The following AMBP variants were observed in gnomAD, a reference collection of about 807,000 sequenced individuals.
AMBP encodes the protein protein AMBP.
AMBP carries 37 observed loss-of-function variants against 46.3 expected under a neutral mutation model. That is an observed-to-expected ratio of 0.80 (90% CI 0.61 to 1.05). The LOEUF is 1.05. AMBP is among the 50% of genes least tolerant of loss of function. The pLI is 0.00. For missense variants in AMBP, 475 were observed against 461.2 expected, an observed-to-expected ratio of 1.03 and a Z score of -0.27; for synonymous variants, 174 against 175.9, an observed-to-expected ratio of 0.99 and a Z score of 0.09.
At chr9:114,061,210 G>T (rs56699313) in intron 8 of AMBP, 112 bp from the exon 9 acceptor site, 116,912 of 1,422,760 alleles carry the variant, frequency 0.082, 10,157 homozygotes, top group African/African-American at 0.43. Flanking sequence ...CTCATCCCTC[G>T]TTGACAGATG....
rs1263502204 is a variant in AMBP, at chr9:114,061,435, CA to C, written c.841del (p.Cys281AlafsTer11). ...FVTEKECLQTCRTVAACNLPI... is the reference protein window; with the variant it reads ...FVTEKECLQTXRTVAACNLPI... The stretch of plus-strand genomic sequence containing the variant: ...GGACCCGCACTCACCCACAGTTCGG[CA>C]GGTCTGCAGACACTCCTTTTCTGTG... On this transcript the variant is annotated frameshift_variant, in exon 8 of 10. Transcript: ENST00000265132. LOFTEE classifies it high-confidence loss of function. 6.2e-7 allele frequency: 1 copy of C among 1,614,156 alleles called. No individual in the cohort carries two copies. Among genetic ancestry groups the C allele is most frequent in the Admixed American group, 1.7e-5 (1 of 60,028 alleles).
chr9:114,068,147 G>A (rs777443202), intron 6 of AMBP, among the ~76,000 whole-genome samples: 9 of 152,174 alleles, frequency 5.9e-5, no homozygotes, highest in Non-Finnish European at 1.5e-5. Flanking sequence ...TCAAGTCACG[G>A]AGATAATAAA....
chr9:114,060,343 TG>T, intron 9 of AMBP, 73 bp from the exon 10 acceptor site: 1 of 1,514,178 alleles, frequency 6.6e-7, no homozygotes, highest in Non-Finnish European at 9.1e-7. Flanking sequence ...AGCTGTCGCC[TG>T]GGGCCAGAAA....
intron 6 of AMBP, among the ~76,000 whole-genome samples, chr9:114,067,872 C>T (rs1846709167): frequency 6.6e-6 from 1 of 152,070 alleles, no homozygotes; most frequent in Admixed American, 6.6e-5. Flanking sequence ...ACCCATGAAC[C>T]CTCCTCAAAA....
intron 5 of AMBP, among the ~76,000 whole-genome samples, chr9:114,070,808 G>T (rs1378340780): frequency 6.6e-6 from 1 of 152,172 alleles, no homozygotes; most frequent in African/African-American, 2.4e-5. Context: ...AGCCACCAGG[G>T]GCCATGTCCC....
chr9:114,074,143 A>G lies in AMBP; in HGVS notation c.347T>C (p.Ile116Thr). The change falls in exon 4 of 10, where the codon ATA (isoleucine) becomes ACA (threonine). Residue 116 changes from isoleucine to threonine, a missense_variant. Around this residue, in one of 3 missense-constraint regions of AMBP, gnomAD observed 179 missense variants for 167.4 expected, o/e 1.07. Transcript: ENST00000265132. Reference sequence around the variant, plus strand: ...GTGGACCACATAGGACTCCATGGTTATGTTCCATTCTGCATGGGAGGTGCA... The same window carrying G: ...GTGGACCACATAGGACTCCATGGTTGTGTTCCATTCTGCATGGGAGGTGCA... ...KFLYHKSKWNITMESYVVHTN... is the reference protein window; with the variant it reads ...KFLYHKSKWNTTMESYVVHTN... The G allele has an allele frequency of 6.2e-7, 1 of 1,614,058 alleles. No homozygotes were observed. Among genetic ancestry groups the G allele is most frequent in the Non-Finnish European group, 8.5e-7 (1 of 1,179,970 alleles).
chr9:114,060,393 C>A, intron 9 of AMBP, 123 bp from the exon 10 acceptor site: 4 of 1,059,592 alleles, frequency 3.8e-6, no homozygotes, highest in Non-Finnish European at 5.5e-6. Flanking sequence ...AAGGGTATTC[C>A]ATGAAATGAT....
At chr9:114,072,039 C>T (rs1199429471) in intron 5 of AMBP, among the ~76,000 whole-genome samples, 3 of 152,236 alleles carry the variant, frequency 2.0e-5, no homozygotes, top group Non-Finnish European at 4.4e-5. Context: ...TTTCTGGTCA[C>T]AGGACAAGAA....
At chr9:114,063,151 A>C (rs992691767) in intron 6 of AMBP, among the ~76,000 whole-genome samples, 8 of 152,070 alleles carry the variant, frequency 5.3e-5, no homozygotes, top group African/African-American at 1.9e-4. Context: ...GTTTACAGGA[A>C]GGGCTGACCA....
intron 5 of AMBP, among the ~76,000 whole-genome samples, chr9:114,071,596 C>T (rs1846745395): frequency 6.6e-6 from 1 of 152,232 alleles, no homozygotes; most frequent in African/African-American, 2.4e-5. Flanking sequence ...GGGCCTGAAG[C>T]CTGGGGCCTG....
At chr9:114,070,176 G>A (rs761988935) in intron 5 of AMBP, among the ~76,000 whole-genome samples, 1 of 152,220 alleles carries the variant, frequency 6.6e-6, no homozygotes, top group African/African-American at 2.4e-5. Flanking sequence ...AGCTCAGTTC[G>A]AACCCAGGTG....
chr9:114,063,424 C>T (rs138953031), intron 6 of AMBP, among the ~76,000 whole-genome samples: 149 of 152,328 alleles, frequency 9.8e-4, no homozygotes, highest in African/African-American at 3.4e-3. Flanking sequence ...ATCTCCTTTT[C>T]AGGGGCAACA....
In AMBP at chr9:114,074,047, G is replaced by A. The variant is rs1399539665; in HGVS notation, c.443C>T (p.Ala148Val). ...FSRHHGPTIT[A>V]KLYGRAPQLR... The stretch of plus-strand genomic sequence containing the variant: ...TAATGAGCCTTTACCGTAGAGCTTG[G>A]CAGTAATGGTGGGTCCATGATGGCG... The change falls in exon 4 of 10, where the codon GCC becomes GTC. Residue 148 changes from alanine (A) to valine (V), a missense_variant. By Grantham distance (64) the Ala-to-Val change is moderately conservative. This residue lies in a region of AMBP where 293 missense variants were observed against 276.9 expected (regional missense o/e 1.06). Transcript: ENST00000265132. The A allele has an allele frequency of 1.9e-6, 3 of 1,613,846 alleles. No homozygotes were observed. The African/African-American group carries it at 4.0e-5, about 22-fold the overall frequency.
chr9:114,061,566 G>C lies in AMBP; in HGVS notation c.711C>G (p.Ala237=). The C allele has an allele frequency of 3.1e-6, 5 of 1,606,272 alleles. No individual in the cohort carries two copies. The highest frequency in any genetic ancestry group is 4.3e-6 in the Non-Finnish European group (5 of 1,174,404). The stretch of plus-strand genomic sequence containing the variant: ...TGCTGGTCATTCCCATGCAGGGACC[G>C]GCCGAGTAGCCCAGCTGGCAGGAAT... ...KEDSCQLGYS[A]GPCMGMTSRY... Residue 237 remains alanine (A), a synonymous_variant, in exon 8 of 10, where the codon GCC becomes GCG. Transcript: ENST00000265132.
chr9:114,072,892 G>T (rs1846760507), intron 5 of AMBP, 33 bp downstream of exon 5: 1 of 1,599,720 alleles, frequency 6.3e-7, no homozygotes, highest in Non-Finnish European at 8.6e-7. Flanking sequence ...ACGAAGAGGG[G>T]ACAGGAATTT....
intron 2 of AMBP, among the ~76,000 whole-genome samples, chr9:114,075,632 C>T (rs918965828): frequency 6.6e-6 from 1 of 152,180 alleles, no homozygotes; most frequent in African/African-American, 2.4e-5. Context: ...CAAGACAGAC[C>T]CCATTCCCTG....
At chr9:114,060,387 G>T in intron 9 of AMBP, 117 bp from the exon 10 acceptor site, 1 of 1,109,338 alleles carries the variant, frequency 9.0e-7, no homozygotes, top group Non-Finnish European at 1.3e-6. Flanking sequence ...TCTCCAAAGG[G>T]TATTCCATGA....
At chr9:114,075,735 G>A (rs189768765) in intron 2 of AMBP, among the ~76,000 whole-genome samples, 1 of 152,150 alleles carries the variant, frequency 6.6e-6, no homozygotes, top group Non-Finnish European at 1.5e-5. Context: ...GTAAGTGTGA[G>A]GTCCTCTTCG....
At chr9:114,066,297 A>G (rs1846692688) in intron 6 of AMBP, among the ~76,000 whole-genome samples, 2 of 152,226 alleles carry the variant, frequency 1.3e-5, no homozygotes, top group South Asian at 4.1e-4. Flanking sequence ...AGAAGAAAAC[A>G]GAACTCAAGA....
Sources: gnomAD v4.1 joint callset for allele counts (sites outside exome capture counted in the v4.1 genomes callset) on GRCh38, gnomAD v4.1.1 for gene constraint, gnomAD v4.1.1 regional missense constraint, MANE v1.5 for transcripts, NCBI Gene and HGNC (gene_info 2026-07-23, HGNC 2026-07-21) for gene names.